SAMD4A: variants seen among roughly 807,000 people sequenced by gnomAD.
SAMD4A encodes the protein sterile alpha motif domain containing 4A.
Under a neutral mutation model 81.3 loss-of-function variants are expected in SAMD4A, and 33 were observed. The observed-to-expected ratio is 0.41, with a 90% CI of 0.31 to 0.54. The LOEUF (loss-of-function observed/expected upper bound fraction) is 0.54. Among genes scored for constraint, SAMD4A ranks in the 20% least tolerant of loss-of-function variants. The pLI is 0.37. For missense variants in SAMD4A, 854 were observed against 951.1 expected (o/e 0.90, Z 1.34); for synonymous variants, 389 against 382.1 (o/e 1.02, Z -0.21).
intron 9 of SAMD4A, among the ~76,000 whole-genome samples, 164 bp from the exon 10 acceptor site, chr14:54,774,770 C>T (rs1343131670): frequency 1.4e-5 from 2 of 144,894 alleles, no homozygotes; most frequent in African/African-American, 5.2e-5. Flanking sequence ...GCCTAGATCT[C>T]ACTACTGCAC....
intron 2 of SAMD4A, among the ~76,000 whole-genome samples, chr14:54,656,620 T>G (rs961271051): frequency 1.2e-4 from 18 of 152,144 alleles, no homozygotes; most frequent in Non-Finnish European, 2.5e-4. Context: ...AACTAGTTTT[T>G]TTGTTTGTTT....
chr14:54,570,100 G>A (rs2033085990), intron 2 of SAMD4A, among the ~76,000 whole-genome samples: 3 of 152,206 alleles, frequency 2.0e-5, no homozygotes, highest in African/African-American at 7.2e-5. Flanking sequence ...CATTGTGTAA[G>A]ATAGGAACTG....
intron 2 of SAMD4A, among the ~76,000 whole-genome samples, chr14:54,691,706 G>C (rs2236296): frequency 0.6 from 91,910 of 152,192 alleles, 28,173 homozygotes; most frequent in South Asian, 0.66. Flanking sequence ...ATTGGCTGGC[G>C]GCTGGAGGGG....
At chr14:54,580,430 T>C (rs1034928136) in intron 2 of SAMD4A, among the ~76,000 whole-genome samples, 1 of 152,234 alleles carries the variant, frequency 6.6e-6, no homozygotes, top group Non-Finnish European at 1.5e-5. Context: ...CAGAGTGTTA[T>C]AGTGTAGGAA....
chr14:54,566,691 G>A (rs933795794), upstream of SAMD4A, among the ~76,000 whole-genome samples: 1 of 151,650 alleles, frequency 6.6e-6, no homozygotes, highest in African/African-American at 2.4e-5. Flanking sequence ...GCGCGGGCGA[G>A]GCTCCGGGCC....
chr14:54,567,438 C>G (rs971755489), intron 1 of SAMD4A, 58 bp from the exon 2 acceptor site: 35 of 161,918 alleles, frequency 2.2e-4, no homozygotes, highest in Non-Finnish European at 3.5e-4. Context: ...CCCTCGTCCC[C>G]CCAGGGCGCG....
chr14:54,767,843 C>G (rs2038592544), intron 8 of SAMD4A, among the ~76,000 whole-genome samples: 1 of 152,220 alleles, frequency 6.6e-6, no homozygotes, highest in Admixed American at 6.5e-5. Context: ...CCAGCCACAA[C>G]CGAGCACCAC....
Position 54,765,033 on chromosome 14 carries a change from A to G in SAMD4A, c.1596+493A>G, listed in dbSNP as rs2038499604. On this transcript the variant is annotated intron_variant, in intron 8 of 12. Coordinates refer to ENST00000554335, the MANE Select transcript of SAMD4A (RefSeq NM_015589.6). ...TCGTATTTGCCACATATCCTTTTGG[A>G]GGAGGCCTGAGGCAGGCTGCAGGTG... Among the ~76,000 whole-genome samples, 5 of 152,172 alleles carry G rather than the reference A, an allele frequency of 3.3e-5. No homozygotes were observed. The South Asian group carries it at 1.0e-3, about 32-fold the overall frequency.
chr14:54,632,182 A>G (rs898137640), intron 2 of SAMD4A, among the ~76,000 whole-genome samples: 1 of 152,228 alleles, frequency 6.6e-6, no homozygotes, highest in African/African-American at 2.4e-5. Context: ...GTCAAGATGA[A>G]CATGCACTAA....
At chr14:54,763,411 G>A (rs190618038) in intron 7 of SAMD4A, among the ~76,000 whole-genome samples, 113 of 152,066 alleles carry the variant, frequency 7.4e-4, no homozygotes, top group African/African-American at 2.6e-3. Context: ...TACAAATAGC[G>A]CCATCTCAAA....
At chr14:54,646,482 G>C (rs891663479) in intron 2 of SAMD4A, among the ~76,000 whole-genome samples, 1 of 152,242 alleles carries the variant, frequency 6.6e-6, no homozygotes, top group African/African-American at 2.4e-5. Context: ...AAGTTCCCAC[G>C]TGATACTGCT....
intron 2 of SAMD4A, among the ~76,000 whole-genome samples, chr14:54,621,554 G>T (rs2034617681): frequency 6.6e-6 from 1 of 151,376 alleles, no homozygotes; most frequent in Admixed American, 6.6e-5. Flanking sequence ...TAGAGACAGG[G>T]TCTCACCATG....
At chr14:54,733,732 C>T (rs112374507) in intron 3 of SAMD4A, among the ~76,000 whole-genome samples, 24 of 152,098 alleles carry the variant, frequency 1.6e-4, no homozygotes, top group African/African-American at 5.6e-4. Flanking sequence ...GCAAGAACAT[C>T]TAGAAGCCTC....
intron 2 of SAMD4A, among the ~76,000 whole-genome samples, chr14:54,670,956 A>G (rs1042007947): frequency 2.0e-5 from 3 of 152,184 alleles, no homozygotes; most frequent in Non-Finnish European, 4.4e-5. Context: ...AGCTGAGTGA[A>G]TTCTTTTTCC....
chr14:54,610,250 C>T (rs1056061454), intron 2 of SAMD4A, among the ~76,000 whole-genome samples: 1 of 152,080 alleles, frequency 6.6e-6, no homozygotes, highest in African/African-American at 2.4e-5. Context: ...AACTAAAATG[C>T]GACCAAGTCA....
At chr14:54,613,074 G>C (rs1441625895) in intron 2 of SAMD4A, among the ~76,000 whole-genome samples, 1 of 151,638 alleles carries the variant, frequency 6.6e-6, no homozygotes, top group Non-Finnish European at 1.5e-5. Context: ...TTGAGATCAC[G>C]CCACTGCACT....
chr14:54,679,448 G>A (rs1031142836), intron 2 of SAMD4A, among the ~76,000 whole-genome samples: 7 of 152,210 alleles, frequency 4.6e-5, no homozygotes, highest in Non-Finnish European at 5.9e-5. Context: ...AACCAAGAAC[G>A]TGTAAGCATG....
chr14:54,567,948 CG>C lies in SAMD4A; in HGVS notation c.35del (p.Gly12AlafsTer22). MMFRDQVGVL[A>X]GWFKGWNECE... ...TTTCGCGACCAGGTCGGGGTGCTGGCGGGCTGGTTTAAGGGCTGGAACGAGT... is the reference window on the plus strand; with the variant it reads ...TTTCGCGACCAGGTCGGGGTGCTGGCGGCTGGTTTAAGGGCTGGAACGAGT... On this transcript the variant is annotated frameshift_variant, in exon 2 of 13. Transcript: ENST00000554335. LOFTEE classifies it high-confidence loss of function. 1 of 1,609,670 alleles carries C rather than the reference CG, an allele frequency of 6.2e-7. No individual in the cohort carries two copies. The highest frequency in any genetic ancestry group is 8.5e-7 in the Non-Finnish European group (1 of 1,179,198).
chr14:54,677,444 A>G (rs1257876816), intron 2 of SAMD4A, among the ~76,000 whole-genome samples: 3 of 152,234 alleles, frequency 2.0e-5, no homozygotes, highest in East Asian at 3.8e-4. Context: ...TGACTCATTC[A>G]GCTTTCTCCT....
Sources: allele counts gnomAD v4.1 joint callset (sites outside exome capture counted in the v4.1 genomes callset), GRCh38; gene constraint gnomAD v4.1.1; transcripts MANE v1.5; gene names NCBI Gene and HGNC (gene_info 2026-07-23, HGNC 2026-07-21).